Variants in ME3 observed in about 807,000 individuals in gnomAD.
The protein encoded by ME3 is NADP-dependent malic enzyme, mitochondrial.
In ME3, 48 loss-of-function variants were observed where a neutral mutation model predicts 68.9. The observed-to-expected ratio is 0.70, with a 90% CI of 0.55 to 0.89. ME3 has a LOEUF of 0.89. Among genes scored for constraint, ME3 ranks in the 40% least tolerant of loss-of-function variants. ME3 has a pLI of 0.00. For synonymous variants in ME3, 320 were observed against 318.8 expected, an observed-to-expected ratio of 1.00 and a Z score of -0.04; for missense variants, 675 against 797.4, an observed-to-expected ratio of 0.85 and a Z score of 1.85.
chr11:86,516,043 A>G (rs1263993010), intron 4 of ME3, among the ~76,000 whole-genome samples: 1 of 152,206 alleles, frequency 6.6e-6, no homozygotes, highest in Non-Finnish European at 1.5e-5. Flanking sequence ...CTGAGTCATT[A>G]GAATGCAACT....
chr11:86,504,110 G>T (rs535907290), intron 5 of ME3, among the ~76,000 whole-genome samples: 7 of 152,216 alleles, frequency 4.6e-5, no homozygotes, highest in African/African-American at 1.7e-4. Context: ...TTTCAACTCT[G>T]CTTTCTTGCT....
chr11:86,659,349 C>A (rs1325756249), intron 2 of ME3, among the ~76,000 whole-genome samples: 2 of 152,186 alleles, frequency 1.3e-5, no homozygotes, highest in African/African-American at 2.4e-5. Flanking sequence ...AGGCAAAGAG[C>A]TACCTTTCAA....
intron 2 of ME3, among the ~76,000 whole-genome samples, chr11:86,614,243 G>A (rs746143415): frequency 5.3e-5 from 8 of 152,324 alleles, no homozygotes; most frequent in Middle Eastern, 6.8e-3. Context: ...CTAACAGACT[G>A]TGGAGCTGGC....
rs77160548 is a variant in ME3 at position 86,659,879 on chromosome 11, G to T, written c.183+11883C>A. 2.0e-5 allele frequency among the ~76,000 whole-genome samples: 3 copies of T among 152,080 alleles called. No individual in the cohort carries two copies. In the South Asian group the frequency reaches 6.2e-4, roughly 32 times the overall value. On this transcript the variant is annotated intron_variant, in intron 2 of 14. Coordinates refer to ENST00000543262, the Ensembl canonical transcript of ME3. ...GAATGGATGGATGGACCAATCAATC[G>T]ATAGATAGATCCAAATTTGGCTGGA...
chr11:86,462,256 C>A (rs1950258568), intron 8 of ME3, among the ~76,000 whole-genome samples: 1 of 152,126 alleles, frequency 6.6e-6, no homozygotes, highest in Admixed American at 6.5e-5. Flanking sequence ...CGAACACTCA[C>A]AGATGAACTG....
chr11:86,624,310 T>A (rs767213936), intron 2 of ME3, among the ~76,000 whole-genome samples: 1 of 152,216 alleles, frequency 6.6e-6, no homozygotes, highest in Non-Finnish European at 1.5e-5. Flanking sequence ...TCTAGATACA[T>A]TTGTTTTTGT....
chr11:86,542,502 G>C (rs898944415), intron 4 of ME3, among the ~76,000 whole-genome samples: 6 of 152,144 alleles, frequency 3.9e-5, no homozygotes, highest in Non-Finnish European at 5.9e-5. Context: ...AGAACTTCAT[G>C]AACAATACAC....
chr11:86,526,087 A>G (rs1954724701), intron 4 of ME3, among the ~76,000 whole-genome samples: 1 of 152,236 alleles, frequency 6.6e-6, no homozygotes, highest in Admixed American at 6.5e-5. Flanking sequence ...TCACCCAGGA[A>G]GCACAAGGGG....
At chr11:86,445,681 C>T (rs1220851241) in intron 13 of ME3, among the ~76,000 whole-genome samples, 1 of 152,148 alleles carries the variant, frequency 6.6e-6, no homozygotes, top group Admixed American at 6.5e-5. Flanking sequence ...TATCAATAAC[C>T]ATGAGTGTGA....
intron 6 of ME3, among the ~76,000 whole-genome samples, chr11:86,497,404 C>G (rs1952418424): frequency 6.6e-6 from 1 of 152,166 alleles, no homozygotes; most frequent in African/African-American, 2.4e-5. Context: ...TGGTGGTTCC[C>G]AGAGCAGAGA....
chr11:86,484,051 T>C (rs1951560329), intron 7 of ME3, among the ~76,000 whole-genome samples: 1 of 152,232 alleles, frequency 6.6e-6, no homozygotes, highest in African/African-American at 2.4e-5. Context: ...TGTCTGTTGC[T>C]GTGGTTCACA....
At chr11:86,487,545 A>G in intron 6 of ME3, 105 bp from the exon 7 acceptor site, 1 of 874,588 alleles carries the variant, frequency 1.1e-6, no homozygotes. Flanking sequence ...AGGTGGGAGG[A>G]GAGGGGGGAG....
Position 86,568,825 on chromosome 11 carries a change from C to A in ME3, c.184-9002G>T, listed in dbSNP as rs541240369. ...CTCTTCTCCTTCATTCAACAAACACCCATGAGTTCCTACTTTGGGCCAGGA... is the reference window on the plus strand; with the variant it reads ...CTCTTCTCCTTCATTCAACAAACACACATGAGTTCCTACTTTGGGCCAGGA... On this transcript the variant is annotated intron_variant, in intron 2 of 14. Transcript: ENST00000543262. Among the ~76,000 whole-genome samples, 22 of 152,330 alleles carry A rather than the reference C, an allele frequency of 1.4e-4. No individual in the cohort carries two copies. The South Asian group carries it at 4.6e-3, about 32-fold the overall frequency.
chr11:86,539,392 T>C (rs1224364802), intron 4 of ME3, among the ~76,000 whole-genome samples: 3 of 152,196 alleles, frequency 2.0e-5, no homozygotes, highest in African/African-American at 7.2e-5. Context: ...CAAAGTAAAC[T>C]AGACAACCCA....
Position 86,605,518 on chromosome 11 carries a change from G to A in ME3, c.184-45695C>T, listed in dbSNP as rs537727606. On this transcript the variant is annotated intron_variant, in intron 2 of 14. Transcript: ENST00000543262. ...CAAAAACTGCTTAATTTAGCATAAGGCCAGTCTGTTTGGACATTAGCTATC... is the reference window on the plus strand; with the variant it reads ...CAAAAACTGCTTAATTTAGCATAAGACCAGTCTGTTTGGACATTAGCTATC... 2.0e-5 allele frequency among the ~76,000 whole-genome samples: 3 copies of A among 152,262 alleles called. No homozygotes were observed. In the South Asian group the frequency reaches 6.2e-4, roughly 32 times the overall value.
At chr11:86,450,260 C>T in intron 9 of ME3, 41 bp downstream of exon 9, 1 of 1,585,740 alleles carries the variant, frequency 6.3e-7, no homozygotes, top group Non-Finnish European at 8.7e-7. Context: ...CATTCTTATT[C>T]TCTTCCTGGA....
intron 2 of ME3, among the ~76,000 whole-genome samples, chr11:86,655,615 T>G (rs1440188775): frequency 2.0e-5 from 3 of 152,006 alleles, no homozygotes; most frequent in African/African-American, 7.2e-5. Context: ...GATTAAAGAC[T>G]TAAACGTTAG....
intron 2 of ME3, among the ~76,000 whole-genome samples, chr11:86,658,494 TATGTGATTGTTATTATTTTTA>T (rs1438653391): frequency 2.0e-5 from 3 of 151,886 alleles, no homozygotes. Context: ...GTAGGCATTA[TATGTGATTGTTATTATTTTTA>T]ATGTGATTGT....
intron 4 of ME3, among the ~76,000 whole-genome samples, chr11:86,555,973 T>A (rs193175481): frequency 1.2e-3 from 190 of 152,336 alleles, no homozygotes; most frequent in African/African-American, 3.4e-3. Flanking sequence ...TTCTTTTTTT[T>A]AAAACATATA....
Sources: gnomAD v4.1 joint callset for allele counts (sites outside exome capture counted in the v4.1 genomes callset) on GRCh38, gnomAD v4.1.1 for gene constraint, MANE v1.5 for transcripts, NCBI Gene and HGNC (gene_info 2026-07-23, HGNC 2026-07-21) for gene names.